Variants in SORCS3 observed in about 807,000 individuals in gnomAD.
SORCS3 encodes the protein sortilin related VPS10 domain containing receptor 3, also known as VPS10 domain-containing receptor SorCS3.
In SORCS3, 57 loss-of-function variants were observed where a neutral mutation model predicts 146.3. The ratio of observed to expected loss-of-function variants is 0.39; its 90% CI spans 0.31 to 0.49. SORCS3 has a LOEUF of 0.49. Among genes scored for constraint, SORCS3 ranks in the 20% least tolerant of loss-of-function variants. The pLI, the probability that SORCS3 is intolerant of heterozygous loss-of-function variation, is 0.92. For missense variants in SORCS3, 1,341 were observed against 1,575.5 expected (o/e 0.85, Z 2.52); for synonymous variants, 653 against 618.5 (o/e 1.06, Z -0.83).
intron 1 of SORCS3, among the ~76,000 whole-genome samples, chr10:104,786,691 G>A (rs1019507540): frequency 2.0e-5 from 3 of 152,182 alleles, no homozygotes; most frequent in East Asian, 1.9e-4. Flanking sequence ...GCATGTGCTG[G>A]GTGAGAACAA....
chr10:104,739,865 G>A (rs2016820215), intron 1 of SORCS3, among the ~76,000 whole-genome samples: 2 of 152,182 alleles, frequency 1.3e-5, no homozygotes, highest in African/African-American at 4.8e-5. Context: ...CACCTTTGTA[G>A]GATGGGAGGA....
chr10:104,855,410 G>T (rs867907363), intron 2 of SORCS3, among the ~76,000 whole-genome samples: 1 of 151,986 alleles, frequency 6.6e-6, no homozygotes, highest in South Asian at 2.1e-4. Context: ...GTGAATTTGT[G>T]GACTACTGAC....
At chr10:104,916,232 G>C (rs1352885330) in intron 3 of SORCS3, among the ~76,000 whole-genome samples, 1 of 152,188 alleles carries the variant, frequency 6.6e-6, no homozygotes, top group Admixed American at 6.5e-5. Context: ...TTTTGCAAGA[G>C]AAGCTCAGAG....
chr10:104,721,386 A>G (rs2016546032), intron 1 of SORCS3, among the ~76,000 whole-genome samples: 1 of 152,120 alleles, frequency 6.6e-6, no homozygotes, highest in Non-Finnish European at 1.5e-5. Flanking sequence ...GTAGCCTTGT[A>G]GTATAGTTTG....
At chr10:105,201,402 C>A in intron 16 of SORCS3, 149 bp downstream of exon 16, 1 of 976,956 alleles carries the variant, frequency 1.0e-6, no homozygotes, top group Non-Finnish European at 1.5e-6. Context: ...ATCCCAGTTA[C>A]TGGGCCAGAT....
At chr10:105,047,863 G>C (rs913229487) in intron 5 of SORCS3, among the ~76,000 whole-genome samples, 1 of 152,078 alleles carries the variant, frequency 6.6e-6, no homozygotes, top group African/African-American at 2.4e-5. Flanking sequence ...GAAAAACAAA[G>C]TGTGTCCCTC....
chr10:104,961,215 G>C (rs747421031), intron 3 of SORCS3, among the ~76,000 whole-genome samples: 2 of 152,102 alleles, frequency 1.3e-5, no homozygotes, highest in Admixed American at 6.6e-5. Context: ...AGCAACAAAC[G>C]CCTTGGATGA....
chr10:104,901,335 T>C (rs1207594317), intron 2 of SORCS3, among the ~76,000 whole-genome samples: 1 of 152,176 alleles, frequency 6.6e-6, no homozygotes, highest in Non-Finnish European at 1.5e-5. Flanking sequence ...CACACAAGTA[T>C]CTAGTGGTGG....
rs1466545369 is a variant in SORCS3, at chr10:104,696,259, T to C, written c.627+54305T>C. Among the ~76,000 whole-genome samples the C allele has an allele frequency of 1.3e-4, 15 of 113,296 alleles. 6 individuals carry two copies. In the South Asian group the frequency reaches 2.4e-3, roughly 18 times the overall value. The allele number at this position is 113,296 out of a possible 152,430, so 74.3% of individuals were successfully genotyped here. Reference sequence around the variant, plus strand: ...TCATATACACATATGATATATGATATATATCATATACACATATGATATATG... The same window carrying C: ...TCATATACACATATGATATATGATACATATCATATACACATATGATATATG... On this transcript the variant is annotated intron_variant, in intron 1 of 26. Transcript: ENST00000369701.
chr10:104,718,242 G>T (rs1189306618), intron 1 of SORCS3, among the ~76,000 whole-genome samples: 1 of 152,104 alleles, frequency 6.6e-6, no homozygotes, highest in Non-Finnish European at 1.5e-5. Flanking sequence ...AGATCAAGGG[G>T]CCCCTACCTG....
At chr10:104,937,662 A>C (rs553894430) in intron 3 of SORCS3, among the ~76,000 whole-genome samples, 1 of 152,340 alleles carries the variant, frequency 6.6e-6, no homozygotes, top group South Asian at 2.1e-4. Flanking sequence ...TTGGAAGGGC[A>C]ACCCTTCCCC....
chr10:104,722,500 G>C (rs942159439), intron 1 of SORCS3, among the ~76,000 whole-genome samples: 2 of 152,232 alleles, frequency 1.3e-5, no homozygotes, highest in Non-Finnish European at 2.9e-5. Context: ...CATAAAATGA[G>C]TTAGGGAGGA....
intron 1 of SORCS3, among the ~76,000 whole-genome samples, chr10:104,835,834 A>G (rs2133540795): frequency 6.6e-6 from 1 of 152,352 alleles, no homozygotes; most frequent in Non-Finnish European, 1.5e-5. Flanking sequence ...TGTCACACTT[A>G]TAACTCATGT....
At chr10:104,973,448 A>T (rs2054874040) in intron 3 of SORCS3, among the ~76,000 whole-genome samples, 1 of 152,118 alleles carries the variant, frequency 6.6e-6, no homozygotes, top group African/African-American at 2.4e-5. Context: ...TGAGGAATTT[A>T]TCCATTTCTT....
intron 13 of SORCS3, among the ~76,000 whole-genome samples, chr10:105,171,328 A>G (rs1045187385): frequency 5.3e-5 from 8 of 151,996 alleles, no homozygotes; most frequent in African/African-American, 1.9e-4. Flanking sequence ...TTTCAGGGAA[A>G]CCCTCCATCT....
intron 1 of SORCS3, among the ~76,000 whole-genome samples, chr10:104,741,902 ACTC>A (rs1283218001): frequency 6.8e-6 from 1 of 147,464 alleles, no homozygotes; most frequent in African/African-American, 2.5e-5. Flanking sequence ...GCTACTTTAA[ACTC>A]CTTATCAGAA....
intron 2 of SORCS3, among the ~76,000 whole-genome samples, chr10:104,890,259 A>T (rs886410177): frequency 1.3e-5 from 2 of 150,844 alleles, no homozygotes; most frequent in Non-Finnish European, 3.0e-5. Flanking sequence ...TCTCTGCCCC[A>T]CCCCCACACC....
chr10:105,084,740 T>A (rs2055648001), intron 5 of SORCS3, among the ~76,000 whole-genome samples: 1 of 151,838 alleles, frequency 6.6e-6, no homozygotes, highest in South Asian at 2.1e-4. Flanking sequence ...CTTCTTTTTT[T>A]TTTTTTTTGA....
intron 1 of SORCS3, among the ~76,000 whole-genome samples, chr10:104,661,691 A>AGATG (rs1405153013): frequency 6.6e-6 from 1 of 152,106 alleles, no homozygotes; most frequent in Admixed American, 6.6e-5. Context: ...ATAGATAGAT[A>AGATG]GATAGATAGA....
Sources: allele counts gnomAD v4.1 joint callset (sites outside exome capture counted in the v4.1 genomes callset), GRCh38; gene constraint gnomAD v4.1.1; transcripts MANE v1.5; gene names NCBI Gene and HGNC (gene_info 2026-07-23, HGNC 2026-07-21).